LDLRAD3: variants seen among roughly 807,000 people sequenced by gnomAD.
LDLRAD3 encodes the protein low-density lipoprotein receptor class A domain-containing protein 3.
Under a neutral mutation model 29.4 loss-of-function variants are expected in LDLRAD3, and 20 were observed. That is an observed-to-expected ratio of 0.68 (90% CI 0.48 to 0.99). LDLRAD3 has a LOEUF of 0.99. Ranked by LOEUF, LDLRAD3 falls within the 50% of genes least tolerant of loss-of-function variation. LDLRAD3 has a pLI of 0.00. For synonymous variants in LDLRAD3, 157 were observed against 192.7 expected, an observed-to-expected ratio of 0.81 and a Z score of 1.53; for missense variants, 420 against 454.3, an observed-to-expected ratio of 0.92 and a Z score of 0.69.
At chr11:36,158,696 T>A (rs1249418799) in intron 4 of LDLRAD3, among the ~76,000 whole-genome samples, 1 of 152,200 alleles carries the variant, frequency 6.6e-6, no homozygotes, top group African/African-American at 2.4e-5. Context: ...GCAGTGCCTG[T>A]GGTGTGACAG....
intron 1 of LDLRAD3, among the ~76,000 whole-genome samples, chr11:35,955,600 C>T (rs920851272): frequency 6.6e-6 from 1 of 152,086 alleles, no homozygotes; most frequent in Non-Finnish European, 1.5e-5. Context: ...AATTTCATAG[C>T]ATTAAGCATT....
intron 1 of LDLRAD3, among the ~76,000 whole-genome samples, chr11:35,962,481 A>G (rs903629935): frequency 5.9e-5 from 9 of 152,154 alleles, no homozygotes; most frequent in African/African-American, 1.9e-4. Context: ...TAAGTGGCTG[A>G]TGATCATTTT....
At chr11:36,103,329 C>T (rs1425056753) in intron 4 of LDLRAD3, among the ~76,000 whole-genome samples, 1 of 151,274 alleles carries the variant, frequency 6.6e-6, no homozygotes, top group Non-Finnish European at 1.5e-5. Context: ...GCTCCACCTC[C>T]CGGGTTCACA....
chr11:36,229,451 T>G lies in LDLRAD3; in HGVS notation c.*54T>G. On this transcript the variant is annotated 3_prime_UTR_variant, in exon 6 of 6. Transcript: ENST00000315571. ...TTAATCTGCTCTGACTTGTTGCCATTCTAACAATTTGTGCTCATGGGAAGC... is the reference window on the plus strand; with the variant it reads ...TTAATCTGCTCTGACTTGTTGCCATGCTAACAATTTGTGCTCATGGGAAGC... The G allele has an allele frequency of 7.6e-7, 1 of 1,317,482 alleles. No individual in the cohort carries two copies. Among genetic ancestry groups the G allele is most frequent in the Non-Finnish European group, 1.1e-6 (1 of 929,624 alleles). 81.6% of individuals were successfully genotyped at this position (1,317,482 alleles called of 1,614,324 possible). A position where few individuals can be genotyped will look rare whatever the true frequency, so the allele number is the denominator to read the frequency against.
At chr11:36,153,487 A>G (rs1854304631) in intron 4 of LDLRAD3, among the ~76,000 whole-genome samples, 1 of 151,816 alleles carries the variant, frequency 6.6e-6, no homozygotes, top group Admixed American at 6.6e-5. Context: ...TTGCTGGGTC[A>G]GTTGGCACCC....
At chr11:36,111,364 A>T (rs1430857874) in intron 4 of LDLRAD3, among the ~76,000 whole-genome samples, 1 of 152,088 alleles carries the variant, frequency 6.6e-6, no homozygotes, top group South Asian at 2.1e-4. Context: ...CCTGCTTCCA[A>T]CAAGTGGCTT....
At chr11:36,091,376 A>G (rs538490533) in intron 3 of LDLRAD3, among the ~76,000 whole-genome samples, 1 of 152,296 alleles carries the variant, frequency 6.6e-6, no homozygotes, top group African/African-American at 2.4e-5. Flanking sequence ...GAAGCAGGTC[A>G]GTTGCTTTTG....
rs79411559 is a variant in LDLRAD3, at chr11:36,221,856, A to T, written c.455-5229A>T. ...TATTGTGTCTTTCCAGATATATTCTATACATTCTCTACTGAACTTTGCTTT... is the reference window on the plus strand; with the variant it reads ...TATTGTGTCTTTCCAGATATATTCTTTACATTCTCTACTGAACTTTGCTTT... On this transcript the variant is annotated intron_variant, in intron 4 of 5. Transcript: ENST00000315571. Among the ~76,000 whole-genome samples, 1,323 of 152,282 alleles carry T rather than the reference A, an allele frequency of 8.7e-3. 24 individuals are homozygous for T. The highest frequency in any genetic ancestry group is 0.03 in the African/African-American group (1,251 of 41,548).
intron 1 of LDLRAD3, among the ~76,000 whole-genome samples, chr11:35,960,728 C>G (rs1851266185): frequency 6.6e-6 from 1 of 152,188 alleles, no homozygotes; most frequent in African/African-American, 2.4e-5. Context: ...ACCTTAGTAG[C>G]TGGGATTATA....
At chr11:36,177,630 G>A (rs1358202983) in intron 4 of LDLRAD3, among the ~76,000 whole-genome samples, 1 of 152,210 alleles carries the variant, frequency 6.6e-6, no homozygotes, top group African/African-American at 2.4e-5. Context: ...CTCCAGGCTG[G>A]TGCTAGGGAG....
chr11:36,158,651 T>C (rs113447353), intron 4 of LDLRAD3, among the ~76,000 whole-genome samples: 1,640 of 151,952 alleles, frequency 0.011, 38 homozygotes, highest in African/African-American at 0.038. Context: ...GGCAGGAATT[T>C]CTGTTCTGTA....
Position 36,227,394 on chromosome 11 carries a change from C to T in LDLRAD3, c.764C>T (p.Ser255Phe). 4.4e-6 allele frequency: 7 copies of T among 1,602,492 alleles called. No individual in the cohort carries two copies. The highest frequency in any genetic ancestry group is 6.0e-6 in the Non-Finnish European group (7 of 1,174,252). Reference protein sequence around the residue: ...QAEQNASEVGSPPSYSEALLD... With the variant: ...QAEQNASEVGFPPSYSEALLD... ...GAGCAGAATGCGTCGGAAGTAGGCT[C>T]CCCACCCTCCTACTCCGAGGCCTTG... Residue 255 changes from serine (S) to phenylalanine (F), a missense_variant, in exon 5 of 6, where the codon TCC becomes TTC. Physicochemically the swap from Ser to Phe is radical, Grantham distance 155. This residue lies in a region of LDLRAD3 where 140 missense variants were observed against 139.9 expected (regional missense o/e 1.00). Transcript: ENST00000315571.
At chr11:36,105,464 C>T (rs1001882356) in intron 4 of LDLRAD3, among the ~76,000 whole-genome samples, 1 of 151,976 alleles carries the variant, frequency 6.6e-6, no homozygotes, top group Non-Finnish European at 1.5e-5. Context: ...TGTCCTAAAC[C>T]CCAGTGCCTC....
At chr11:36,024,393 C>T (rs1315292677) in intron 1 of LDLRAD3, among the ~76,000 whole-genome samples, 1 of 152,138 alleles carries the variant, frequency 6.6e-6, no homozygotes. Context: ...TATCATCCCT[C>T]TATCCCTCAG....
At chr11:36,087,192 TTAAC>T (rs1853209072) in intron 3 of LDLRAD3, among the ~76,000 whole-genome samples, 2 of 152,030 alleles carry the variant, frequency 1.3e-5, no homozygotes, top group South Asian at 4.1e-4. Context: ...AAAAGACAAA[TTAAC>T]TAAATGTGAT....
At chr11:35,968,228 T>G in intron 1 of LDLRAD3, 1 of 405,752 alleles carries the variant, frequency 2.5e-6, no homozygotes, top group Non-Finnish European at 4.8e-6. Flanking sequence ...TATAGGACTT[T>G]GGGGTGAAGG....
intron 4 of LDLRAD3, among the ~76,000 whole-genome samples, chr11:36,115,647 T>C (rs1242294914): frequency 2.0e-5 from 3 of 152,112 alleles, no homozygotes; most frequent in Admixed American, 1.3e-4. Context: ...CACGGTCACA[T>C]CCGCAAAAGG....
intron 4 of LDLRAD3, among the ~76,000 whole-genome samples, chr11:36,193,103 T>C (rs1176204013): frequency 2.6e-5 from 4 of 152,202 alleles, no homozygotes; most frequent in East Asian, 1.9e-4. Context: ...TGCTGTATCA[T>C]TGTGGGAAAA....
chr11:36,160,029 G>A (rs757183925), intron 4 of LDLRAD3, among the ~76,000 whole-genome samples: 1 of 152,272 alleles, frequency 6.6e-6, no homozygotes, highest in African/African-American at 2.4e-5. Flanking sequence ...TGATAAGACC[G>A]TTGCAGGAAA....
Sources: gnomAD v4.1 joint callset for allele counts (sites outside exome capture counted in the v4.1 genomes callset) on GRCh38, gnomAD v4.1.1 for gene constraint, gnomAD v4.1.1 regional missense constraint, MANE v1.5 for transcripts, NCBI Gene and HGNC (gene_info 2026-07-23, HGNC 2026-07-21) for gene names.